ABRACL: variants seen among roughly 807,000 people sequenced by gnomAD.
The protein encoded by ABRACL is ABRA C-terminal like, also known as costars family protein ABRACL.
In ABRACL, 4 loss-of-function variants were observed where a neutral mutation model predicts 7.0. The ratio of observed to expected loss-of-function variants is 0.57; its 90% CI spans 0.28 to 1.30. The LOEUF (loss-of-function observed/expected upper bound fraction) is 1.30. ABRACL is among the 50% of genes most tolerant of loss of function. The pLI, the probability that ABRACL is intolerant of heterozygous loss-of-function variation, is 0.10. For synonymous variants in ABRACL, 30 were observed against 36.0 expected, an observed-to-expected ratio of 0.83 and a Z score of 0.60; for missense variants, 104 against 97.3, an observed-to-expected ratio of 1.07 and a Z score of -0.29.
intron 1 of ABRACL, among the ~76,000 whole-genome samples, chr6:139,032,346 T>C (rs985008140): frequency 6.6e-6 from 1 of 152,236 alleles, no homozygotes; most frequent in Admixed American, 6.5e-5. Context: ...TAGTCTTGAA[T>C]TGCATATAAT....
intron 2 of ABRACL, among the ~76,000 whole-genome samples, chr6:139,035,633 C>T (rs1786142184): frequency 6.6e-6 from 1 of 151,952 alleles, no homozygotes; most frequent in Non-Finnish European, 1.5e-5. Context: ...TAGGCACCTG[C>T]CACCACGCTC....
chr6:139,034,497 G>A (rs1293983446), intron 2 of ABRACL: 2 of 1,302,096 alleles, frequency 1.5e-6, no homozygotes, highest in Non-Finnish European at 2.0e-6. Context: ...GTATTTGACT[G>A]CATTGAAATT....
chr6:139,035,872 C>T (rs956034289), intron 2 of ABRACL, among the ~76,000 whole-genome samples: 3 of 144,080 alleles, frequency 2.1e-5, no homozygotes, highest in Non-Finnish European at 3.0e-5. Context: ...GAGGCTGAGG[C>T]GGTTGGATCA....
chr6:139,033,030 G>A (rs1786105047), intron 1 of ABRACL, among the ~76,000 whole-genome samples: 1 of 152,228 alleles, frequency 6.6e-6, no homozygotes, highest in African/African-American at 2.4e-5. Flanking sequence ...AGTGAGGGAG[G>A]TGCTCCTCCT....
chr6:139,042,835 A>G lies in ABRACL; in HGVS notation c.178A>G (p.Thr60Ala), dbSNP rs1786272971. Residue 60 changes from threonine to alanine, a missense_variant, in exon 3 of 3, where the codon ACA becomes GCA. Thr to Ala is a moderately conservative substitution (Grantham distance 58). Coordinates refer to ENST00000367660, the MANE Select transcript of ABRACL (RefSeq NM_021243.3). ...LKAAKRRKIV[T>A]YPGELLLQGV... ...AGCTGCAAAACGAAGGAAGATTGTA[A>G]CATATCCAGGAGAGCTGCTTCTGCA... is the stretch of plus-strand genomic sequence containing the variant. The G allele has an allele frequency of 6.2e-7, 1 of 1,614,090 alleles. No individual in the cohort carries two copies. Among genetic ancestry groups the G allele is most frequent in the Non-Finnish European group, 8.5e-7 (1 of 1,179,984 alleles).
chr6:139,037,621 CCACGCATTTCACCA>C (rs1786181957), intron 2 of ABRACL, among the ~76,000 whole-genome samples: 1 of 152,046 alleles, frequency 6.6e-6, no homozygotes, highest in Non-Finnish European at 1.5e-5. Flanking sequence ...AATTTTTCTC[CCACGCATTTCACCA>C]CACCCACTTG....
chr6:139,031,327 CCTTT>C (rs1352738369), intron 1 of ABRACL, among the ~76,000 whole-genome samples: 1 of 152,148 alleles, frequency 6.6e-6, no homozygotes, highest in African/African-American at 2.4e-5. Flanking sequence ...CTCAAATCTG[CCTTT>C]CTATTACACT....
intron 1 of ABRACL, 32 bp from the exon 2 acceptor site, chr6:139,034,123 G>A: frequency 6.2e-7 from 1 of 1,613,790 alleles, no homozygotes; most frequent in Non-Finnish European, 8.5e-7. Context: ...ATGTAATGGT[G>A]ATAATTTAGA....
chr6:139,031,573 A>G (rs747132255), intron 1 of ABRACL, among the ~76,000 whole-genome samples: 14 of 152,298 alleles, frequency 9.2e-5, no homozygotes, highest in Non-Finnish European at 1.6e-4. Context: ...AGGCTCAGTC[A>G]TTGTTATATG....
At chr6:139,034,481 C>G (rs1171238290) in intron 2 of ABRACL, 1 of 1,389,174 alleles carries the variant, frequency 7.2e-7, no homozygotes, top group Non-Finnish European at 9.5e-7. Context: ...AATTACCAAG[C>G]TTCTTGTATT....
intron 2 of ABRACL, chr6:139,034,462 T>C (rs767984851): frequency 1.3e-5 from 19 of 1,439,444 alleles, no homozygotes; most frequent in Non-Finnish European, 1.7e-5. Context: ...TATTTTTCGA[T>C]AGAAAGCAAA....
intron 2 of ABRACL, 86 bp from the exon 3 acceptor site, chr6:139,042,633 A>C (rs1786268850): frequency 7.6e-7 from 1 of 1,319,840 alleles, no homozygotes; most frequent in East Asian, 2.3e-5. Flanking sequence ...CATAGTTATA[A>C]ATTTATTAAA....
chr6:139,029,282 C>T (rs1271589197), intron 1 of ABRACL, among the ~76,000 whole-genome samples: 7 of 152,246 alleles, frequency 4.6e-5, no homozygotes, highest in South Asian at 4.1e-4. Flanking sequence ...AACGTGGTGG[C>T]CTCAGGGCAG....
chr6:139,039,022 G>A (rs1184294827), intron 2 of ABRACL, among the ~76,000 whole-genome samples: 3 of 152,158 alleles, frequency 2.0e-5, no homozygotes, highest in African/African-American at 4.8e-5. Flanking sequence ...TCAGGAGTTC[G>A]AGACCAGCTT....
chr6:139,041,491 ATATGTG>A (rs1483752037), intron 2 of ABRACL, among the ~76,000 whole-genome samples: 7,675 of 63,278 alleles, frequency 0.12, 330 homozygotes, highest in Middle Eastern at 0.19. Flanking sequence ...CTATATATAT[ATATGTG>A]TGTGTGTGTG....
intron 1 of ABRACL, among the ~76,000 whole-genome samples, chr6:139,030,443 T>C (rs955442412): frequency 6.6e-6 from 1 of 152,226 alleles, no homozygotes; most frequent in East Asian, 1.9e-4. Context: ...TTCTTCATCT[T>C]GCTCTCTGCA....
chr6:139,032,791 T>G (rs1404027175), intron 1 of ABRACL, among the ~76,000 whole-genome samples: 2 of 152,374 alleles, frequency 1.3e-5, no homozygotes, highest in East Asian at 3.9e-4. Flanking sequence ...TCATACTTCC[T>G]GACATCCTGC....
chr6:139,042,148 T>A (rs1207686422), intron 2 of ABRACL, among the ~76,000 whole-genome samples: 2 of 152,236 alleles, frequency 1.3e-5, no homozygotes, highest in Non-Finnish European at 2.9e-5. Context: ...TTGGTCTATC[T>A]TAACTTTCAA....
chr6:139,031,713 A>G (rs1289616445), intron 1 of ABRACL, among the ~76,000 whole-genome samples: 1 of 152,204 alleles, frequency 6.6e-6, no homozygotes, highest in African/African-American at 2.4e-5. Context: ...TAATAGTTCT[A>G]GCAAAATCAC....
Sources: gnomAD v4.1 joint callset for allele counts (sites outside exome capture counted in the v4.1 genomes callset) on GRCh38, gnomAD v4.1.1 for gene constraint, MANE v1.5 for transcripts, NCBI Gene and HGNC (gene_info 2026-07-23, HGNC 2026-07-21) for gene names.